Variants in PPFIBP1 observed in about 807,000 individuals in gnomAD.
PPFIBP1 encodes the protein PPFIB scaffold protein 1.
PPFIBP1 carries 112 observed loss-of-function variants against 137.8 expected under a neutral mutation model. The ratio of observed to expected loss-of-function variants is 0.81; its 90% confidence interval spans 0.70 to 0.95. The LOEUF is 0.95. PPFIBP1 is among the 40% of genes least tolerant of loss of function. PPFIBP1 has a pLI of 0.00. For synonymous variants in PPFIBP1, 378 were observed against 417.3 expected (o/e 0.91, Z 1.15); for missense variants, 1,083 against 1,196.6 (o/e 0.91, Z 1.40).
At chr12:27,544,873 C>T (rs1261701803) in intron 1 of PPFIBP1, among the ~76,000 whole-genome samples, 1 of 152,154 alleles carries the variant, frequency 6.6e-6, no homozygotes, top group Middle Eastern at 3.2e-3. Context: ...ACCCAGCAAT[C>T]CCATTACTGG....
chr12:27,677,584 G>C (rs890399518), intron 19 of PPFIBP1: 1 of 155,294 alleles, frequency 6.4e-6, no homozygotes, highest in Non-Finnish European at 1.4e-5. Context: ...TTCTTCTGAC[G>C]TTTTATTACT....
Position 27,626,409 on chromosome 12 carries a change from G to T in PPFIBP1, c.-35-6953G>T, listed in dbSNP as rs544065658. ...GCCAATTCCCACCTCATCTGGGCAGGGCTTGTTGTCCCAAGGAGGAAAGAC... is the reference window on the plus strand; with the variant it reads ...GCCAATTCCCACCTCATCTGGGCAGTGCTTGTTGTCCCAAGGAGGAAAGAC... On this transcript the variant is annotated intron_variant, in intron 2 of 29. Transcript: ENST00000228425. Among the ~76,000 whole-genome samples the T allele has an allele frequency of 5.9e-5, 9 of 152,176 alleles. No homozygotes were observed. The South Asian group carries it at 1.9e-3, about 32-fold the overall frequency.
At position 27,593,827 on chromosome 12, in the gene PPFIBP1, C is replaced by T. The variant is rs2052838590; in HGVS notation, c.-36+15588C>T. On this transcript the variant is annotated intron_variant, in intron 2 of 29. Transcript: ENST00000228425. Reference sequence around the variant, plus strand: ...GTTCGTCCTGAATTTGGTATTGTCTCTTCATGTGTTTCCTTATCCTTTCAG... The same window carrying T: ...GTTCGTCCTGAATTTGGTATTGTCTTTTCATGTGTTTCCTTATCCTTTCAG... 8.4e-6 allele frequency: 11 copies of T among 1,312,648 alleles called. 1 individual carries two copies. The South Asian group carries it at 1.5e-4, about 18-fold the overall frequency. The allele number at this position is 1,312,648 out of a possible 1,614,324, so 81.3% of individuals were successfully genotyped here.
chr12:27,586,979 G>A (rs2051836279), intron 2 of PPFIBP1, among the ~76,000 whole-genome samples: 2 of 152,154 alleles, frequency 1.3e-5, no homozygotes, highest in Admixed American at 1.3e-4. Flanking sequence ...AATTTCAAAC[G>A]GCAGAGGACC....
intron 24 of PPFIBP1, 134 bp downstream of exon 24, chr12:27,682,837 G>C: frequency 2.1e-6 from 3 of 1,417,246 alleles, no homozygotes; most frequent in Non-Finnish European, 2.9e-6. Flanking sequence ...CTTGAGGAGA[G>C]TGGCAGGCAT....
chr12:27,672,307 A>C, intron 14 of PPFIBP1, 120 bp from the exon 15 acceptor site: 1 of 762,174 alleles, frequency 1.3e-6, no homozygotes, highest in Non-Finnish European at 2.2e-6. Flanking sequence ...TAGGACATTT[A>C]AAAAAATAGA....
At chr12:27,666,387 C>T (rs536161755) in intron 12 of PPFIBP1, among the ~76,000 whole-genome samples, 1 of 149,810 alleles carries the variant, frequency 6.7e-6, no homozygotes, top group East Asian at 1.9e-4. Flanking sequence ...ATTAGAATAA[C>T]ATTCTAGTGA....
At chr12:27,543,994 C>G (rs530270791) in intron 1 of PPFIBP1, among the ~76,000 whole-genome samples, 1 of 151,734 alleles carries the variant, frequency 6.6e-6, no homozygotes, top group Admixed American at 6.6e-5. Flanking sequence ...ATCCTCCCAC[C>G]TAAGCCTCTC....
intron 2 of PPFIBP1, chr12:27,592,681 G>A (rs879239734): frequency 3.1e-5 from 45 of 1,432,234 alleles, no homozygotes; most frequent in Admixed American, 2.5e-4. Context: ...ATCCTTCTCC[G>A]GCTGCTCTGA....
rs571722685 is a variant in PPFIBP1, at chr12:27,541,425, C to A, written c.-124+17060C>A. 3.3e-5 allele frequency among the ~76,000 whole-genome samples: 5 copies of A among 152,166 alleles called. No individual in the cohort carries two copies. The East Asian group carries it at 7.7e-4, about 24-fold the overall frequency. ...GAAACATCTGAGTGACTGAAACCAG[C>A]GGCTTGCTGAGCGAGCTGTGACTAC... On this transcript the variant is annotated intron_variant, in intron 1 of 29. Coordinates refer to ENST00000228425, the MANE Select transcript of PPFIBP1 (RefSeq NM_003622.4).
chr12:27,673,662 C>T (rs2060335466), intron 15 of PPFIBP1, 105 bp from the exon 16 acceptor site: 1 of 885,420 alleles, frequency 1.1e-6, no homozygotes, highest in Non-Finnish European at 1.8e-6. Flanking sequence ...CTTTTATTGC[C>T]AGGATTCAAC....
At chr12:27,552,975 C>T (rs1946930391) in intron 1 of PPFIBP1, among the ~76,000 whole-genome samples, 1 of 152,016 alleles carries the variant, frequency 6.6e-6, no homozygotes, top group Admixed American at 6.6e-5. Flanking sequence ...TGATCAGATA[C>T]CGAGAGTGGG....
chr12:27,689,418 G>A (rs2061387590), intron 27 of PPFIBP1, among the ~76,000 whole-genome samples: 1 of 151,672 alleles, frequency 6.6e-6, no homozygotes, highest in Admixed American at 6.6e-5. Context: ...GAAATAGGGA[G>A]CAAAGAGCTT....
intron 25 of PPFIBP1, among the ~76,000 whole-genome samples, chr12:27,687,881 A>C (rs1452740909): frequency 6.6e-6 from 1 of 152,124 alleles, no homozygotes; most frequent in Admixed American, 6.5e-5. Context: ...CCAGGAGATC[A>C]AGACCAGCCT....
At chr12:27,564,875 C>G (rs1027649685) in intron 1 of PPFIBP1, among the ~76,000 whole-genome samples, 3 of 152,184 alleles carry the variant, frequency 2.0e-5, no homozygotes, top group African/African-American at 7.2e-5. Flanking sequence ...CACCGAGGAC[C>G]CCGGTGGTCC....
intron 2 of PPFIBP1, among the ~76,000 whole-genome samples, chr12:27,606,615 T>C (rs1269546975): frequency 6.6e-6 from 1 of 152,222 alleles, no homozygotes; most frequent in East Asian, 1.9e-4. Context: ...GAAGCCCAGA[T>C]GTCTGGGCCG....
chr12:27,687,289 C>T, intron 24 of PPFIBP1, 96 bp from the exon 25 acceptor site: 3 of 1,444,144 alleles, frequency 2.1e-6, no homozygotes, highest in Middle Eastern at 1.9e-4. Flanking sequence ...GTTTGAGGGG[C>T]TCTTCTCCTT....
chr12:27,652,306 T>C (rs1478051292), intron 7 of PPFIBP1, among the ~76,000 whole-genome samples: 4 of 152,188 alleles, frequency 2.6e-5, no homozygotes, highest in Non-Finnish European at 5.9e-5. Context: ...TCAGGACTTG[T>C]CCCTGGAATT....
At chr12:27,548,979 G>T (rs1592383233) in intron 1 of PPFIBP1, 1 of 152,320 alleles carries the variant, frequency 6.6e-6, no homozygotes, top group Non-Finnish European at 1.5e-5. Flanking sequence ...GAGTCAAGCT[G>T]CCATGGTGAC....
Sources: gnomAD v4.1 joint callset for allele counts (sites outside exome capture counted in the v4.1 genomes callset) on GRCh38, gnomAD v4.1.1 for gene constraint, MANE v1.5 for transcripts, NCBI Gene and HGNC (gene_info 2026-07-23, HGNC 2026-07-21) for gene names.